Variants in SEC13 observed in about 807,000 individuals in gnomAD.
SEC13 encodes protein SEC13 homolog.
A neutral mutation model predicts 49.2 loss-of-function variants in SEC13; 25 were observed. That is an observed-to-expected ratio of 0.51 (90% CI 0.37 to 0.71). The LOEUF (loss-of-function observed/expected upper bound fraction) is 0.71. Ranked by LOEUF, SEC13 falls within the 30% of genes least tolerant of loss-of-function variation. The pLI, the probability that SEC13 is intolerant of heterozygous loss-of-function variation, is 0.00. For missense variants in SEC13, 383 were observed against 417.6 expected (o/e 0.92, Z 0.72); for synonymous variants, 148 against 163.9 (o/e 0.90, Z 0.74).
chr3:10,303,857 T>A, intron 8 of SEC13, 169 bp downstream of exon 8: 1 of 701,108 alleles, frequency 1.4e-6, no homozygotes, highest in East Asian at 2.7e-5. Flanking sequence ...TAATACTACC[T>A]CAGGGGCTGT....
At chr3:10,306,520 C>T (rs1048058630) in intron 5 of SEC13, among the ~76,000 whole-genome samples, 12 of 152,200 alleles carry the variant, frequency 7.9e-5, no homozygotes, top group African/African-American at 2.9e-4. Context: ...TCCATCCTTT[C>T]TTTGTCATTT....
chr3:10,305,973 CTTTTT>C (rs534978855), intron 5 of SEC13: 2 of 278,018 alleles, frequency 7.2e-6, no homozygotes, highest in South Asian at 2.6e-4. Flanking sequence ...TACATTGGAG[CTTTTT>C]TTTAAGAAAA....
At chr3:10,307,712 G>GCATT (rs377534517) in intron 5 of SEC13, among the ~76,000 whole-genome samples, 81 of 152,276 alleles carry the variant, frequency 5.3e-4, no homozygotes, top group African/African-American at 1.9e-3. Flanking sequence ...CAACACATGG[G>GCATT]CATTCAAAAT....
intron 5 of SEC13, among the ~76,000 whole-genome samples, chr3:10,310,831 GGATA>G (rs1701206976): frequency 6.6e-6 from 1 of 152,096 alleles, no homozygotes; most frequent in African/African-American, 2.4e-5. Context: ...TCTGATGAAT[GGATA>G]AACAAAATGT....
rs191151688 is a variant in SEC13 at position 10,305,050 on chromosome 3, T to C, written c.691A>G (p.Ile231Val). The change falls in exon 7 of 9, where the codon ATC (isoleucine) becomes GTC (valine). Residue 231 changes from isoleucine to valine, a missense_variant. By Grantham distance (29) the Ile-to-Val change is conservative. Transcript: ENST00000350697. ...APSIGLPTST[I>V]ASCSQDGRVF... ...GGGCTGACCTGGGAGCAGCTGGCGATGGTGCTGGTGGGCAGGCCGATGGAG... is the reference window on the plus strand; with the variant it reads ...GGGCTGACCTGGGAGCAGCTGGCGACGGTGCTGGTGGGCAGGCCGATGGAG... The C allele has an allele frequency of 4.3e-6, 7 of 1,614,138 alleles. No individual in the cohort carries two copies. In the East Asian group the frequency reaches 1.3e-4, roughly 31 times the overall value.
chr3:10,301,227 C>G lies in SEC13; in HGVS notation c.*34G>C, dbSNP rs372792330. 68 of 1,614,118 alleles carry G rather than the reference C, an allele frequency of 4.2e-5. No homozygotes were observed. The Middle Eastern group carries it at 9.9e-4, about 24-fold the overall frequency. On this transcript the variant is annotated 3_prime_UTR_variant, in exon 9 of 9. Transcript: ENST00000350697. Reference sequence around the variant, plus strand: ...GGCCCAGGAAGGGGCAGTCCTGGAGCTGGCGGGTGGGGAGCCAGGCCCCAC... The same window carrying G: ...GGCCCAGGAAGGGGCAGTCCTGGAGGTGGCGGGTGGGGAGCCAGGCCCCAC...
chr3:10,320,562 AG>A, intron 1 of SEC13: 2 of 986,720 alleles, frequency 2.0e-6, no homozygotes, highest in Non-Finnish European at 2.4e-6. Flanking sequence ...GAGCTGCAGT[AG>A]GCGGCAGAAA....
intron 5 of SEC13, among the ~76,000 whole-genome samples, chr3:10,306,901 ATTGCTCAGTCTTGGGTATGTCT>A (rs1189942802): frequency 6.6e-6 from 1 of 152,146 alleles, no homozygotes; most frequent in East Asian, 1.9e-4. Context: ...TCCTTTGTAA[ATTGCTCAGTCTTGGGTATGTCT>A]TTGCCAGCAG....
At position 10,310,491 on chromosome 3, in the gene SEC13, A is replaced by C. The variant is rs565538519; in HGVS notation, c.450+1474T>G. 3.9e-5 allele frequency among the ~76,000 whole-genome samples: 6 copies of C among 152,222 alleles called. No homozygotes were observed. The South Asian group carries it at 1.2e-3, about 32-fold the overall frequency. On this transcript the variant is annotated intron_variant, in intron 5 of 8. Coordinates refer to ENST00000350697, the MANE Select transcript of SEC13 (RefSeq NM_183352.3). ...GGGTGACAGAGCAAGCCTCCGTCTC[A>C]AAAAAACAGAACAAAACAAACCCAA...
chr3:10,307,064 TA>T (rs398105593), intron 5 of SEC13, among the ~76,000 whole-genome samples: 16 of 151,534 alleles, frequency 1.1e-4, no homozygotes, highest in African/African-American at 2.9e-4. Context: ...TTTTTTTTTT[TA>T]AAAATTGAGA....
intron 2 of SEC13, among the ~76,000 whole-genome samples, chr3:10,316,855 G>T (rs1055919610): frequency 6.6e-6 from 1 of 151,976 alleles, no homozygotes; most frequent in African/African-American, 2.4e-5. Flanking sequence ...TACAAAATTA[G>T]CTGGGAGTGG....
Position 10,315,795 on chromosome 3 carries a change from T to C in SEC13, c.49-359A>G, listed in dbSNP as rs1314779857. 1.3e-5 allele frequency among the ~76,000 whole-genome samples: 2 copies of C among 152,192 alleles called. 1 individual carries two copies. Among genetic ancestry groups the C allele is most frequent in the South Asian group, 4.1e-4 (2 of 4,834 alleles). On this transcript the variant is annotated intron_variant, in intron 2 of 8. Coordinates refer to ENST00000350697, the MANE Select transcript of SEC13 (RefSeq NM_183352.3). Reference sequence around the variant, plus strand: ...CAGGCCCTATTCAGTTCTTAGGCTCTGTGGGCTAAAGGGGAATACCCCTGG... The same window carrying C: ...CAGGCCCTATTCAGTTCTTAGGCTCCGTGGGCTAAAGGGGAATACCCCTGG...
chr3:10,303,106 G>A (rs1700643539), intron 8 of SEC13, among the ~76,000 whole-genome samples: 1 of 152,214 alleles, frequency 6.6e-6, no homozygotes, highest in East Asian at 1.9e-4. Flanking sequence ...CTGGAGACCA[G>A]CTGCTTCTCT....
In SEC13 at chr3:10,308,107, A is replaced by T. The variant is rs776734663; in HGVS notation, c.451-2415T>A. Among the ~76,000 whole-genome samples, 6 of 152,236 alleles carry T rather than the reference A, an allele frequency of 3.9e-5. 1 individual carries two copies. Among genetic ancestry groups the T allele is most frequent in the Admixed American group, 3.9e-4 (6 of 15,290 alleles). ...ATATAGTATAATTGACATAAACTGC[A>T]TATCAAGTGCATGATTTGGTGAATT... On this transcript the variant is annotated intron_variant, in intron 5 of 8. Transcript: ENST00000350697.
Position 10,312,869 on chromosome 3 carries a change from T to C in SEC13, c.165-139A>G, listed in dbSNP as rs1439410271. The C allele has an allele frequency of 1.3e-5, 10 of 797,204 alleles. No individual in the cohort carries two copies. The Admixed American group carries it at 1.9e-4, about 16-fold the overall frequency. The allele number at this position is 797,204 out of a possible 1,614,324, so 49.4% of individuals were successfully genotyped here. A position where few individuals can be genotyped will look rare whatever the true frequency, so the allele number is the denominator to read the frequency against. ...TCAAAGGGAGAACTATACAATGCCA[T>C]TGCAAAAGGGGTGCTCAGTGGACAG... On this transcript the variant is annotated intron_variant, in intron 3 of 8. Transcript: ENST00000350697.
intron 8 of SEC13, 29 bp downstream of exon 8, chr3:10,303,996 TC>T: frequency 1.2e-6 from 2 of 1,612,518 alleles, no homozygotes; most frequent in African/African-American, 1.3e-5. Flanking sequence ...ACAGGCTGTG[TC>T]CACCATGCCA....
chr3:10,309,850 T>C (rs570700967), intron 5 of SEC13, among the ~76,000 whole-genome samples: 57 of 152,050 alleles, frequency 3.7e-4, no homozygotes, highest in African/African-American at 1.3e-3. Context: ...CTCAGAACTC[T>C]CCCTTGTTTC....
chr3:10,305,774 T>A, intron 5 of SEC13, 82 bp from the exon 6 acceptor site: 1 of 1,513,254 alleles, frequency 6.6e-7, no homozygotes, highest in Non-Finnish European at 9.1e-7. Flanking sequence ...CCCTCTCCCC[T>A]CCGCTTCTCA....
chr3:10,307,573 G>GGA (rs1700967607), intron 5 of SEC13, among the ~76,000 whole-genome samples: 1 of 152,154 alleles, frequency 6.6e-6, no homozygotes, highest in Non-Finnish European at 1.5e-5. Flanking sequence ...CAGCAAAAAG[G>GGA]GAGAGAGAGC....
Sources: gnomAD v4.1 joint callset for allele counts (sites outside exome capture counted in the v4.1 genomes callset) on GRCh38, gnomAD v4.1.1 for gene constraint, MANE v1.5 for transcripts, NCBI Gene and HGNC (gene_info 2026-07-23, HGNC 2026-07-21) for gene names.